MYO16: variants seen among roughly 807,000 people sequenced by gnomAD.
MYO16 encodes the protein myosin XVI.
In MYO16, 94 loss-of-function variants were observed where a neutral mutation model predicts 205.3. That is an observed-to-expected ratio of 0.46 (90% CI 0.39 to 0.54). The LOEUF (loss-of-function observed/expected upper bound fraction) is 0.54, where lower values mean the gene tolerates loss of function less well. Among genes scored for constraint, MYO16 ranks in the 20% least tolerant of loss-of-function variants. The pLI, the probability that MYO16 is intolerant of heterozygous loss-of-function variation, is 0.00. For missense variants in MYO16, 2,315 were observed against 2,387.5 expected (o/e 0.97, Z 0.63); for synonymous variants, 988 against 954.0 (o/e 1.04, Z -0.66).
At chr13:109,071,825 T>C (rs1027766208) in intron 27 of MYO16, among the ~76,000 whole-genome samples, 1 of 152,160 alleles carries the variant, frequency 6.6e-6, no homozygotes, top group Non-Finnish European at 1.5e-5. Context: ...TATCTATTGG[T>C]CTTGTCCTAG....
intron 2 of MYO16, among the ~76,000 whole-genome samples, chr13:108,670,566 T>C (rs181136442): frequency 2.0e-5 from 3 of 152,180 alleles, no homozygotes; most frequent in Admixed American, 6.5e-5. Context: ...AACATGCAAG[T>C]ATGGGAGAAC....
chr13:108,644,747 G>A (rs905347800), intron 1 of MYO16, among the ~76,000 whole-genome samples: 4 of 151,748 alleles, frequency 2.6e-5, no homozygotes, highest in African/African-American at 4.8e-5. Context: ...ATTAGCTTTC[G>A]GTAGTGTCAA....
At chr13:108,986,647 GA>G in intron 20 of MYO16, among the ~76,000 whole-genome samples, 1 of 127,268 alleles carries the variant, frequency 7.9e-6, no homozygotes, top group Admixed American at 8.0e-5. Flanking sequence ...AAAAAAAAAA[GA>G]TAGTATTCAG....
chr13:108,608,701 G>A (rs1023845263), intron 1 of MYO16, among the ~76,000 whole-genome samples: 1 of 151,938 alleles, frequency 6.6e-6, no homozygotes, highest in Non-Finnish European at 1.5e-5. Context: ...AGAGTGTGGT[G>A]GCACGATCTC....
chr13:108,904,993 A>G (rs9587717), intron 15 of MYO16, among the ~76,000 whole-genome samples: 81,187 of 152,112 alleles, frequency 0.53, 22,427 homozygotes, highest in East Asian at 0.71. Flanking sequence ...TTCTTATCAA[A>G]TAATCACTTT....
upstream of MYO16, among the ~76,000 whole-genome samples, chr13:108,592,871 C>G (rs915590761): frequency 2.6e-5 from 4 of 151,946 alleles, no homozygotes; most frequent in African/African-American, 7.3e-5. Context: ...ACATTGTATG[C>G]AACTCCTGAA....
At chr13:109,151,334 G>T (rs1877650751) in intron 32 of MYO16, among the ~76,000 whole-genome samples, 1 of 152,114 alleles carries the variant, frequency 6.6e-6, no homozygotes, top group Non-Finnish European at 1.5e-5. Flanking sequence ...CTTAGACCCT[G>T]TACATGGGCA....
At chr13:109,038,478 A>G (rs1308717507) in intron 23 of MYO16, among the ~76,000 whole-genome samples, 1 of 152,036 alleles carries the variant, frequency 6.6e-6, no homozygotes, top group African/African-American at 2.4e-5. Context: ...TTAGACTGGA[A>G]TCTACACTAT....
At chr13:108,712,792 G>T in intron 3 of MYO16, 61 bp downstream of exon 3, 1 of 1,337,694 alleles carries the variant, frequency 7.5e-7, no homozygotes, top group Non-Finnish European at 1.0e-6. Flanking sequence ...TACATTACAG[G>T]TTCAAACCCA....
intron 2 of MYO16, among the ~76,000 whole-genome samples, chr13:108,681,086 G>A (rs1882442020): frequency 6.6e-6 from 1 of 152,172 alleles, no homozygotes. Flanking sequence ...AACCATGCAA[G>A]CATGTAAAAC....
At chr13:108,597,077 T>G (rs180704545) in intron 1 of MYO16, among the ~76,000 whole-genome samples, 57 of 152,316 alleles carry the variant, frequency 3.7e-4, no homozygotes, top group African/African-American at 1.3e-3. Context: ...CTATTATGCA[T>G]CAATACAAAT....
At chr13:108,849,906 T>C in intron 10 of MYO16, among the ~76,000 whole-genome samples, 1 of 148,996 alleles carries the variant, frequency 6.7e-6, no homozygotes, top group African/African-American at 2.5e-5. Context: ...TTTTAACTCA[T>C]CCATACTGGG....
the MYO16 span, among the ~76,000 whole-genome samples, chr13:108,539,763 G>C: frequency 1.3e-5 from 2 of 152,098 alleles, no homozygotes; most frequent in East Asian, 3.9e-4. Context: ...ATTTTGCTCT[G>C]TCCACAGCTG....
intron 16 of MYO16, among the ~76,000 whole-genome samples, chr13:108,947,688 C>A (rs9587727): frequency 1.4e-4 from 22 of 152,288 alleles, no homozygotes; most frequent in African/African-American, 3.1e-4. Flanking sequence ...GTCTCCACCC[C>A]CCGGCTCTCC....
At chr13:108,802,443 A>C (rs888063624) in intron 6 of MYO16, among the ~76,000 whole-genome samples, 2 of 152,164 alleles carry the variant, frequency 1.3e-5, no homozygotes, top group African/African-American at 2.4e-5. Flanking sequence ...AAGGGTGACT[A>C]GTATTCCATT....
At chr13:108,849,609 A>T (rs1174009492) in intron 10 of MYO16, among the ~76,000 whole-genome samples, 20 of 75,926 alleles carry the variant, frequency 2.6e-4, no homozygotes, top group Admixed American at 8.4e-4. Flanking sequence ...ATCCTGTTGA[A>T]TTTCCTCTTT....
At chr13:109,183,961 A>G (rs1410804) in intron 34 of MYO16, among the ~76,000 whole-genome samples, 84,887 of 151,588 alleles carry the variant, frequency 0.56, 25,591 homozygotes, top group African/African-American at 0.79. Context: ...ATGTCATATA[A>G]AAACAAAGTT....
At position 108,753,239 on chromosome 13, in the gene MYO16, G is replaced by A. The variant is rs187132540; in HGVS notation, c.507+25656G>A. ...AAAAAAATTAGCCGGGTGTGTTGGCGGGCGCCTGTAATCCCAGCGACTTGG... is the reference window on the plus strand; with the variant it reads ...AAAAAAATTAGCCGGGTGTGTTGGCAGGCGCCTGTAATCCCAGCGACTTGG... On this transcript the variant is annotated intron_variant, in intron 4 of 34. Transcript: ENST00000457511. 4.9e-3 allele frequency among the ~76,000 whole-genome samples: 745 copies of A among 151,668 alleles called. 5 individuals carry two copies. Among genetic ancestry groups the A allele is most frequent in the African/African-American group, 0.017 (709 of 41,332 alleles).
chr13:108,676,406 T>TGTGTGTGTGTGC (rs1014807300), intron 2 of MYO16, among the ~76,000 whole-genome samples: 1 of 148,756 alleles, frequency 6.7e-6, no homozygotes. Flanking sequence ...TGTGTGTGTG[T>TGTGTGTGTGTGC]GCCAGCCATC....
Sources: gnomAD v4.1 joint callset for allele counts (sites outside exome capture counted in the v4.1 genomes callset) on GRCh38, gnomAD v4.1.1 for gene constraint, MANE v1.5 for transcripts, NCBI Gene and HGNC (gene_info 2026-07-23, HGNC 2026-07-21) for gene names.